The following AGPS variants were observed in gnomAD, a reference collection of about 807,000 sequenced individuals.
AGPS encodes the protein alkylglycerone phosphate synthase, also known as alkyldihydroxyacetonephosphate synthase, peroxisomal.
A neutral mutation model predicts 90.7 loss-of-function variants in AGPS; 26 were observed. The ratio of observed to expected loss-of-function variants is 0.29; its 90% CI spans 0.21 to 0.40. The LOEUF is 0.40. Among genes scored for constraint, AGPS ranks in the 10% least tolerant of loss-of-function variants. The pLI, the probability that AGPS is intolerant of heterozygous loss-of-function variation, is 1.00. For synonymous variants in AGPS, 294 were observed against 285.3 expected (o/e 1.03, Z -0.31); for missense variants, 540 against 816.1 (o/e 0.66, Z 4.12).
At chr2:177,435,222 C>A (rs538859474) in intron 3 of AGPS, among the ~76,000 whole-genome samples, 1 of 151,680 alleles carries the variant, frequency 6.6e-6, no homozygotes, top group African/African-American at 2.4e-5. Context: ...CCACTGTATC[C>A]AACTTGTTGT....
chr2:177,417,858 A>G (rs574112978), intron 1 of AGPS, among the ~76,000 whole-genome samples: 33 of 152,338 alleles, frequency 2.2e-4, no homozygotes, highest in Non-Finnish European at 4.0e-4. Context: ...GTTATATTTA[A>G]CTATCAGAGT....
At chr2:177,482,018 G>A (rs1485667156) in intron 10 of AGPS, 41 bp from the exon 11 acceptor site, 1 of 1,541,276 alleles carries the variant, frequency 6.5e-7, no homozygotes. Flanking sequence ...TTAGAAAATT[G>A]TCATGTGATG....
rs1348848 is a variant in AGPS at position 177,493,505 on chromosome 2, G to T, written c.1285+306G>T. 0.71 allele frequency among the ~76,000 whole-genome samples: 107,273 copies of T among 152,032 alleles called. 38,226 individuals are homozygous for T. Among genetic ancestry groups the T allele is most frequent in the Admixed American group, 0.78 (11,870 of 15,274 alleles). ...AGATGCTTGAGCTAAATCTTCAAAG[G>T]TGAATATAAGTTTGCCTAGATGTCT... On this transcript the variant is annotated intron_variant, in intron 12 of 19. Coordinates refer to ENST00000264167, the MANE Select transcript of AGPS (RefSeq NM_003659.4).
In AGPS at chr2:177,542,357, G is replaced by T. The variant is rs1036026087; in HGVS notation, c.*4162G>T. On this transcript the variant is annotated 3_prime_UTR_variant, in exon 20 of 20. Transcript: ENST00000264167. ...CCTGAAGCACTCCCTTTTGAACCTT[G>T]GAAGATCCTCAAAGAGTGAGCACTC... 3 of 152,038 alleles carry T rather than the reference G, an allele frequency of 2.0e-5. No individual in the cohort carries two copies. The highest frequency in any genetic ancestry group is 4.4e-5 in the Non-Finnish European group (3 of 68,004). The allele number at this position is 152,038 out of a possible 1,614,324, so 9.4% of individuals were successfully genotyped here. A position where few individuals can be genotyped will look rare whatever the true frequency, so the allele number is the denominator to read the frequency against.
chr2:177,395,431 G>T (rs765780414), intron 1 of AGPS, among the ~76,000 whole-genome samples: 2 of 152,322 alleles, frequency 1.3e-5, no homozygotes, highest in East Asian at 3.9e-4. Context: ...ACGACTAGTG[G>T]TAAAATCTAG....
rs1179647046 is a variant in AGPS, at chr2:177,542,694, T to G, written c.*4499T>G. On this transcript the variant is annotated 3_prime_UTR_variant, in exon 20 of 20. Coordinates refer to ENST00000264167, the MANE Select transcript of AGPS (RefSeq NM_003659.4). ...TTGGCAGTGTTTTTCCTGAACACCA[T>G]ATGCACCCTAGGAAACATGTTTTTC... 1 of 150,042 alleles carries G rather than the reference T, an allele frequency of 6.7e-6. No individual in the cohort carries two copies. The highest frequency in any genetic ancestry group is 1.5e-5 in the Non-Finnish European group (1 of 67,502). 9.3% of individuals were successfully genotyped at this position (150,042 alleles called of 1,614,324 possible). A position where few individuals can be genotyped will look rare whatever the true frequency, so the allele number is the denominator to read the frequency against.
intron 1 of AGPS, among the ~76,000 whole-genome samples, chr2:177,394,380 A>G (rs1203972593): frequency 6.6e-6 from 1 of 152,218 alleles, no homozygotes; most frequent in Non-Finnish European, 1.5e-5. Context: ...TGCATTACTA[A>G]TAGTTTGCCA....
At chr2:177,528,631 C>A (rs1029829478) in intron 19 of AGPS, among the ~76,000 whole-genome samples, 3 of 152,114 alleles carry the variant, frequency 2.0e-5, no homozygotes, top group Non-Finnish European at 4.4e-5. Context: ...TTTCTGTAAT[C>A]CCCATTTGAA....
chr2:177,481,001 G>A (rs1574403414), intron 10 of AGPS, among the ~76,000 whole-genome samples: 1 of 152,140 alleles, frequency 6.6e-6, no homozygotes, highest in South Asian at 2.1e-4. Flanking sequence ...TGTATATGTG[G>A]TGAATATATT....
chr2:177,505,253 A>G (rs1045271417), intron 14 of AGPS, among the ~76,000 whole-genome samples: 6 of 151,992 alleles, frequency 3.9e-5, no homozygotes, highest in Non-Finnish European at 5.9e-5. Flanking sequence ...ACTTGTGTGA[A>G]GATTATTTCA....
In AGPS at chr2:177,401,188, C is replaced by T. The variant is rs145961682; in HGVS notation, c.260+8139C>T. Among the ~76,000 whole-genome samples the T allele has an allele frequency of 8.0e-3, 1,223 of 152,290 alleles. 11 individuals carry two copies. Among genetic ancestry groups the T allele is most frequent in the Middle Eastern group, 0.02 (6 of 294 alleles). On this transcript the variant is annotated intron_variant, in intron 1 of 19. Transcript: ENST00000264167. The stretch of plus-strand genomic sequence containing the variant: ...TAGTGATATACCGTGCTGGCCAGTA[C>T]AGGTGTAGGTGGAAACCTAACTCAT...
At position 177,542,862 on chromosome 2, in the gene AGPS, A is replaced by G. The variant is rs1362110002; in HGVS notation, c.*4667A>G. On this transcript the variant is annotated 3_prime_UTR_variant, in exon 20 of 20. Transcript: ENST00000264167. Reference sequence around the variant, plus strand: ...TTGTTGGGATTTTTTTTTTCCATGAACTAGCCATTATTTTAAATGAGTGGG... The same window carrying G: ...TTGTTGGGATTTTTTTTTTCCATGAGCTAGCCATTATTTTAAATGAGTGGG... 6.6e-6 allele frequency: 1 copy of G among 152,022 alleles called. No homozygotes were observed. Among genetic ancestry groups the G allele is most frequent in the Non-Finnish European group, 1.5e-5 (1 of 68,002 alleles). The allele number at this position is 152,022 out of a possible 1,614,324, so 9.4% of individuals were successfully genotyped here. A position where few individuals can be genotyped will look rare whatever the true frequency, so the allele number is the denominator to read the frequency against.
intron 10 of AGPS, among the ~76,000 whole-genome samples, chr2:177,479,413 A>G (rs1687879082): frequency 6.6e-6 from 1 of 152,198 alleles, no homozygotes; most frequent in Non-Finnish European, 1.5e-5. Flanking sequence ...AAATTAAGAA[A>G]GTCTTTAGAT....
At chr2:177,418,924 T>C (rs2105607677) in intron 1 of AGPS, among the ~76,000 whole-genome samples, 1 of 152,074 alleles carries the variant, frequency 6.6e-6, no homozygotes, top group Non-Finnish European at 1.5e-5. Flanking sequence ...GGTAGGAATG[T>C]TATGGGATTA....
intron 10 of AGPS, among the ~76,000 whole-genome samples, chr2:177,475,151 A>G (rs916130566): frequency 6.6e-6 from 1 of 152,240 alleles, no homozygotes; most frequent in Non-Finnish European, 1.5e-5. Context: ...TATTTGTAAC[A>G]ACAACTAACT....
intron 10 of AGPS, among the ~76,000 whole-genome samples, chr2:177,477,214 C>G (rs1164361196): frequency 6.6e-6 from 1 of 151,796 alleles, no homozygotes; most frequent in African/African-American, 2.4e-5. Context: ...CTTTTTGTTT[C>G]TGTAGTTTGT....
At chr2:177,473,236 T>G (rs1211875809) in intron 10 of AGPS, among the ~76,000 whole-genome samples, 1 of 152,198 alleles carries the variant, frequency 6.6e-6, no homozygotes, top group African/African-American at 2.4e-5. Flanking sequence ...GTTTTCCTTG[T>G]TGATTATATT....
In AGPS at chr2:177,434,379, A is replaced by G. The variant is rs769268056; in HGVS notation, c.403A>G (p.Thr135Ala). 3 of 1,613,196 alleles carry G rather than the reference A, an allele frequency of 1.9e-6. No individual in the cohort carries two copies. The East Asian group carries it at 6.7e-5, about 36-fold the overall frequency. The change falls in exon 3 of 20, where the codon ACC becomes GCC. Residue 135 changes from threonine to alanine, a missense_variant. Physicochemically the swap from Thr to Ala is moderately conservative, Grantham distance 58 (BLOSUM62 0). Transcript: ENST00000264167. ...LPTFKEWIQNTLGVNVEHKTT... is the reference protein window; with the variant it reads ...LPTFKEWIQNALGVNVEHKTT... ...AACATTTAAAGAATGGATCCAAAAT[A>G]CCCTTGGAGTAAATGTGGAGCATAA...
At chr2:177,425,473 T>A (rs1323912216) in intron 2 of AGPS, among the ~76,000 whole-genome samples, 1 of 151,872 alleles carries the variant, frequency 6.6e-6, no homozygotes, top group African/African-American at 2.4e-5. Flanking sequence ...ATACAAAAAT[T>A]AGCAGGGCAT....
Sources: gnomAD v4.1 joint callset for allele counts (sites outside exome capture counted in the v4.1 genomes callset) on GRCh38, gnomAD v4.1.1 for gene constraint, MANE v1.5 for transcripts, NCBI Gene and HGNC (gene_info 2026-07-23, HGNC 2026-07-21) for gene names.